Variants in SHCBP1L observed in about 807,000 individuals in gnomAD.
SHCBP1L encodes SHC binding and spindle associated 1 like.
SHCBP1L carries 67 observed loss-of-function variants against 62.5 expected under a neutral mutation model. That is an observed-to-expected ratio of 1.07 (90% CI 0.88 to 1.31). The LOEUF (loss-of-function observed/expected upper bound fraction) is 1.31. Ranked by LOEUF, SHCBP1L falls within the 40% of genes most tolerant of loss-of-function variation. The probability of loss-of-function intolerance (pLI) is 0.00; values close to 1 mark genes in which losing one functional copy is unlikely to be tolerated. For missense variants in SHCBP1L, 823 were observed against 809.8 expected (o/e 1.02, Z -0.20); for synonymous variants, 284 against 289.4 (o/e 0.98, Z 0.19).
Position 182,929,872 on chromosome 1 carries a change from T to A in SHCBP1L, c.1077-120A>T, listed in dbSNP as rs2101941865. 7.6e-6 allele frequency: 5 copies of A among 656,112 alleles called. 1 individual carries two copies. The South Asian group carries it at 1.0e-4, about 13-fold the overall frequency. 40.6% of individuals were successfully genotyped at this position (656,112 alleles called of 1,614,324 possible). On this transcript the variant is annotated intron_variant, in intron 5 of 9. Transcript: ENST00000367547. ...GAGAAATGTTTTCATCAATTATAAGTTCCTTGAGAGCAATGAGCAACTTGA... is the reference window on the plus strand; with the variant it reads ...GAGAAATGTTTTCATCAATTATAAGATCCTTGAGAGCAATGAGCAACTTGA...
chr1:182,936,365 C>T (rs1558001504), intron 5 of SHCBP1L, among the ~76,000 whole-genome samples: 2 of 151,954 alleles, frequency 1.3e-5, no homozygotes, highest in East Asian at 3.9e-4. Flanking sequence ...GGACTCCTGA[C>T]CTCAGGTGAT....
intron 2 of SHCBP1L, among the ~76,000 whole-genome samples, chr1:182,943,312 G>T (rs904144520): frequency 1.4e-5 from 2 of 140,484 alleles, no homozygotes; most frequent in African/African-American, 5.4e-5. Context: ...GGTACAGACA[G>T]GGTCTCACTA....
At chr1:182,903,952 C>A (rs1201632514) in intron 8 of SHCBP1L, among the ~76,000 whole-genome samples, 1 of 152,150 alleles carries the variant, frequency 6.6e-6, no homozygotes, top group African/African-American at 2.4e-5. Flanking sequence ...TAAAAAGTCA[C>A]CCTTATAAAA....
At chr1:182,931,642 T>G (rs950603155) in intron 5 of SHCBP1L, among the ~76,000 whole-genome samples, 1 of 152,146 alleles carries the variant, frequency 6.6e-6, no homozygotes, top group Non-Finnish European at 1.5e-5. Flanking sequence ...TTCAGCAAAG[T>G]TGATCAAAAA....
At chr1:182,904,047 T>C (rs1649923160) in intron 8 of SHCBP1L, 133 bp downstream of exon 8, 1 of 1,080,264 alleles carries the variant, frequency 9.3e-7, no homozygotes, top group Non-Finnish European at 1.3e-6. Flanking sequence ...TTTGTTGATG[T>C]CTACCAGTTA....
In SHCBP1L at chr1:182,952,987, C is replaced by A; in HGVS notation, c.147G>T (p.Ser49=). ...TCACCGGGCGAGGGGAGGCCACCAC[C>A]GACCGCACTGGGATCGCGGTGCCCT... ...TLKGTAIPVR[S]VVASPRPVKG... Residue 49 remains serine, a synonymous_variant, in exon 1 of 10, where the codon TCG becomes TCT. Coordinates refer to ENST00000367547, the MANE Select transcript of SHCBP1L (RefSeq NM_030933.4). 3.9e-6 allele frequency: 6 copies of A among 1,543,520 alleles called. No individual in the cohort carries two copies. The highest frequency in any genetic ancestry group is 5.2e-6 in the Non-Finnish European group (6 of 1,147,860).
chr1:182,935,149 T>C (rs1350040962), intron 5 of SHCBP1L, among the ~76,000 whole-genome samples: 1 of 152,294 alleles, frequency 6.6e-6, no homozygotes, highest in East Asian at 1.9e-4. Context: ...CTTCTACTTT[T>C]TGGCTATTCT....
At chr1:182,913,268 G>T (rs1046116178) in intron 6 of SHCBP1L, among the ~76,000 whole-genome samples, 2 of 152,224 alleles carry the variant, frequency 1.3e-5, no homozygotes, top group African/African-American at 4.8e-5. Flanking sequence ...TCAGTCAGAA[G>T]TTCTGGAGGC....
chr1:182,909,063 G>A (rs1348745099), intron 6 of SHCBP1L, among the ~76,000 whole-genome samples: 1 of 152,194 alleles, frequency 6.6e-6, no homozygotes, highest in Non-Finnish European at 1.5e-5. Context: ...TACATTGGAA[G>A]CAGATAGCAC....
At chr1:182,939,963 A>G (rs1252338916) in intron 3 of SHCBP1L, among the ~76,000 whole-genome samples, 2 of 152,166 alleles carry the variant, frequency 1.3e-5, no homozygotes, top group Non-Finnish European at 2.9e-5. Flanking sequence ...CATAATGTGA[A>G]TGATGATATC....
chr1:182,942,329 G>A, intron 2 of SHCBP1L: 3 of 820,484 alleles, frequency 3.7e-6, no homozygotes, highest in South Asian at 2.7e-5. Flanking sequence ...AGGCTTAGCT[G>A]ACAACCGCCC....
intron 6 of SHCBP1L, among the ~76,000 whole-genome samples, chr1:182,926,706 A>G (rs1019312631): frequency 1.3e-5 from 2 of 152,078 alleles, no homozygotes; most frequent in Non-Finnish European, 2.9e-5. Flanking sequence ...TGTGATCAAC[A>G]AGAGGATAAA....
intron 6 of SHCBP1L, among the ~76,000 whole-genome samples, chr1:182,921,500 C>T (rs760679257): frequency 6.6e-6 from 1 of 152,200 alleles, no homozygotes; most frequent in Non-Finnish European, 1.5e-5. Flanking sequence ...AGGATCAAAT[C>T]TGCACATATT....
At chr1:182,933,545 T>C (rs565107091) in intron 5 of SHCBP1L, among the ~76,000 whole-genome samples, 3 of 152,120 alleles carry the variant, frequency 2.0e-5, no homozygotes, top group Non-Finnish European at 2.9e-5. Context: ...GTGTTTATCA[T>C]GAAAGGGTGT....
chr1:182,951,594 A>G, intron 1 of SHCBP1L, 127 bp from the exon 2 acceptor site: 1 of 596,018 alleles, frequency 1.7e-6, no homozygotes, highest in Middle Eastern at 5.1e-4. Flanking sequence ...ATAATGAATG[A>G]CCTGGAAAAT....
At chr1:182,918,602 A>G (rs1650432752) in intron 6 of SHCBP1L, among the ~76,000 whole-genome samples, 3 of 152,176 alleles carry the variant, frequency 2.0e-5, no homozygotes, top group African/African-American at 7.2e-5. Context: ...TACAGATTCA[A>G]TGTAATCCCT....
At chr1:182,923,072 C>CA (rs1053151228) in intron 6 of SHCBP1L, among the ~76,000 whole-genome samples, 14 of 151,940 alleles carry the variant, frequency 9.2e-5, no homozygotes, top group Non-Finnish European at 1.6e-4. Flanking sequence ...CACAGAAATA[C>CA]AAAAAAACCC....
chr1:182,905,486 C>T lies in SHCBP1L; in HGVS notation c.1336+10G>A, dbSNP rs1649982324. The T allele has an allele frequency of 1.2e-6, 2 of 1,611,506 alleles. No homozygotes were observed. The highest frequency in any genetic ancestry group is 1.3e-5 in the African/African-American group (1 of 74,750). Reference sequence around the variant, plus strand: ...GCTGTAAAAAAAACTACAAAGGATGCCCTGCTAACCCTTTATAATGATGTC... The same window carrying T: ...GCTGTAAAAAAAACTACAAAGGATGTCCTGCTAACCCTTTATAATGATGTC... On this transcript the variant is annotated intron_variant, in intron 7 of 9. Transcript: ENST00000367547.
At position 182,911,586 on chromosome 1, in the gene SHCBP1L, C is replaced by A. The variant is rs185204577; in HGVS notation, c.1183-5937G>T. On this transcript the variant is annotated intron_variant, in intron 6 of 9. Coordinates refer to ENST00000367547, the MANE Select transcript of SHCBP1L (RefSeq NM_030933.4). ...TTAACTCTACTGTTTTAAGTGTGCACAAAGAGCTAAAGGAAACAATAAAGA... is the reference window on the plus strand; with the variant it reads ...TTAACTCTACTGTTTTAAGTGTGCAAAAAGAGCTAAAGGAAACAATAAAGA... 1.5e-3 allele frequency among the ~76,000 whole-genome samples: 226 copies of A among 152,054 alleles called. 2 individuals carry two copies. Among genetic ancestry groups the A allele is most frequent in the African/African-American group, 5.2e-3 (217 of 41,486 alleles).
Sources: allele counts gnomAD v4.1 joint callset (sites outside exome capture counted in the v4.1 genomes callset), GRCh38; gene constraint gnomAD v4.1.1; transcripts MANE v1.5; gene names NCBI Gene and HGNC (gene_info 2026-07-23, HGNC 2026-07-21).